The following ATL2 variants were observed in gnomAD, a reference collection of about 807,000 sequenced individuals.
The protein encoded by ATL2 is atlastin GTPase 2.
Under a neutral mutation model 73.9 loss-of-function variants are expected in ATL2, and 31 were observed. The ratio of observed to expected loss-of-function variants is 0.42; its 90% CI spans 0.32 to 0.57. ATL2 has a LOEUF of 0.57. ATL2 is among the 20% of genes least tolerant of loss of function. The pLI is 0.14. For synonymous variants in ATL2, 291 were observed against 237.5 expected (o/e 1.23, Z -2.07); for missense variants, 738 against 702.6 (o/e 1.05, Z -0.57).
intron 2 of ATL2, among the ~76,000 whole-genome samples, chr2:38,334,888 TATA>T (rs1198786706): frequency 3.3e-5 from 1 of 30,076 alleles, no homozygotes; most frequent in African/African-American, 6.4e-5. Flanking sequence ...TTATATAATA[TATA>T]ATATATATTA....
chr2:38,364,839 T>C (rs1051111996), intron 1 of ATL2, among the ~76,000 whole-genome samples: 1 of 151,808 alleles, frequency 6.6e-6, no homozygotes, highest in Non-Finnish European at 1.5e-5. Context: ...GGTCAGGAGA[T>C]TGAGACCATC....
At chr2:38,377,063 T>G (rs1672019415) in intron 1 of ATL2, 80 bp downstream of exon 1, 4 of 1,384,066 alleles carry the variant, frequency 2.9e-6, no homozygotes, top group African/African-American at 1.5e-5. Context: ...CCCCGCCGCC[T>G]GCGGCCGGTG....
At chr2:38,325,700 ACACACAC>A in intron 2 of ATL2, among the ~76,000 whole-genome samples, 1 of 2,642 alleles carries the variant, frequency 3.8e-4, no homozygotes, top group South Asian at 9.6e-3. Flanking sequence ...ACACACCAGT[ACACACAC>A]ACACACACAC....
At chr2:38,368,471 C>T (rs968810413) in intron 1 of ATL2, among the ~76,000 whole-genome samples, 3 of 152,012 alleles carry the variant, frequency 2.0e-5, no homozygotes, top group South Asian at 2.1e-4. Context: ...AGGCTGGTCT[C>T]GAACTCCCCA....
intron 12 of ATL2, 97 bp from the exon 13 acceptor site, chr2:38,296,210 G>A: frequency 7.0e-7 from 1 of 1,429,050 alleles, no homozygotes; most frequent in Non-Finnish European, 9.2e-7. Flanking sequence ...AAGCAATGAT[G>A]AAAATAACCA....
chr2:38,352,156 A>C lies in ATL2; in HGVS notation c.119-8644T>G, dbSNP rs1446673655. ...ACCAAAAAAAAAAAAAAAAAAAAAAAAAAACCACCATAAAATCAAGTGGGA... is the reference window on the plus strand; with the variant it reads ...ACCAAAAAAAAAAAAAAAAAAAAAACAAAACCACCATAAAATCAAGTGGGA... On this transcript the variant is annotated intron_variant, in intron 1 of 12. Transcript: ENST00000378954. Among the ~76,000 whole-genome samples, 104 of 142,974 alleles carry C rather than the reference A, an allele frequency of 7.3e-4. 1 individual carries two copies. Among genetic ancestry groups the C allele is most frequent in the Non-Finnish European group, 1.4e-3 (94 of 66,786 alleles). The allele number at this position is 142,974 out of a possible 152,430, so 93.8% of individuals were successfully genotyped here.
chr2:38,374,484 G>A (rs991741487), intron 1 of ATL2, among the ~76,000 whole-genome samples: 1 of 152,196 alleles, frequency 6.6e-6, no homozygotes, highest in Non-Finnish European at 1.5e-5. Context: ...CACCTATCTG[G>A]AGAAAATCTT....
intron 9 of ATL2, among the ~76,000 whole-genome samples, chr2:38,304,982 T>C (rs1176617032): frequency 1.3e-5 from 2 of 151,978 alleles, no homozygotes; most frequent in African/African-American, 2.4e-5. Flanking sequence ...ACAGAGTGGC[T>C]GAATGGGTTT....
At chr2:38,330,177 G>A (rs1163352661) in intron 2 of ATL2, among the ~76,000 whole-genome samples, 1 of 142,418 alleles carries the variant, frequency 7.0e-6, no homozygotes, top group Admixed American at 7.0e-5. Context: ...AATAAATACA[G>A]GAAAACTATT....
At chr2:38,356,419 G>A (rs555011150) in intron 1 of ATL2, among the ~76,000 whole-genome samples, 1 of 151,434 alleles carries the variant, frequency 6.6e-6, no homozygotes, top group African/African-American at 2.4e-5. Context: ...GAACTCCTGG[G>A]CTCAAGTGAT....
chr2:38,331,629 A>C (rs946925361), intron 2 of ATL2, among the ~76,000 whole-genome samples: 1 of 150,966 alleles, frequency 6.6e-6, no homozygotes, highest in Admixed American at 6.6e-5. Context: ...AAAAAAAAAA[A>C]AATAGAACAT....
intron 1 of ATL2, among the ~76,000 whole-genome samples, chr2:38,374,757 G>A (rs1013622426): frequency 2.0e-5 from 3 of 152,210 alleles, no homozygotes; most frequent in Non-Finnish European, 4.4e-5. Flanking sequence ...GCAGCTAGCT[G>A]CCTAATACCA....
At chr2:38,378,344 A>T (rs1316837647), upstream of ATL2, among the ~76,000 whole-genome samples, 1 of 152,168 alleles carries the variant, frequency 6.6e-6, no homozygotes, top group Non-Finnish European at 1.5e-5. Context: ...GGGTTCAAGC[A>T]ATTCTCTGCC....
At chr2:38,328,437 C>A (rs771252641) in intron 2 of ATL2, among the ~76,000 whole-genome samples, 14 of 152,106 alleles carry the variant, frequency 9.2e-5, no homozygotes, top group Non-Finnish European at 1.8e-4. Flanking sequence ...TTAAAATACA[C>A]CTTTAAAAAT....
intron 1 of ATL2, among the ~76,000 whole-genome samples, chr2:38,367,604 A>AC (rs1194175592): frequency 1.6e-5 from 2 of 122,830 alleles, no homozygotes; most frequent in South Asian, 2.1e-4. Context: ...CAAAAAAAAA[A>AC]AAAAAAAAAA....
intron 12 of ATL2, 167 bp downstream of exon 12, chr2:38,297,977 T>A (rs527764558): frequency 3.0e-6 from 2 of 675,036 alleles, no homozygotes; most frequent in East Asian, 5.5e-5. Context: ...ATTATAACTT[T>A]AAAGAAAAAA....
intron 1 of ATL2, chr2:38,376,104 G>C (rs1189417402): frequency 4.0e-6 from 6 of 1,499,368 alleles, no homozygotes; most frequent in Non-Finnish European, 5.4e-6. Flanking sequence ...CTCTTATCTT[G>C]GCCGTACTTA....
intron 1 of ATL2, among the ~76,000 whole-genome samples, chr2:38,352,230 A>AT (rs1670399791): frequency 6.7e-6 from 1 of 149,936 alleles, no homozygotes; most frequent in Non-Finnish European, 1.5e-5. Context: ...TCTATTTTGC[A>AT]TTTTTTAAAA....
intron 2 of ATL2, among the ~76,000 whole-genome samples, chr2:38,320,597 TAATA>T (rs1295494337): frequency 6.6e-6 from 1 of 152,194 alleles, no homozygotes; most frequent in African/African-American, 2.4e-5. Context: ...ATGTGGGACA[TAATA>T]AATGAATACC....
Sources: allele counts gnomAD v4.1 joint callset (sites outside exome capture counted in the v4.1 genomes callset), GRCh38; gene constraint gnomAD v4.1.1; transcripts MANE v1.5; gene names NCBI Gene and HGNC (gene_info 2026-07-23, HGNC 2026-07-21).